Variants in HDX observed in about 807,000 individuals in gnomAD.
HDX encodes the protein highly divergent homeobox, also known as chromosome X open reading frame 43.
A neutral mutation model predicts 45.2 loss-of-function variants in HDX; 19 were observed. The ratio of observed to expected loss-of-function variants is 0.42; its 90% CI spans 0.29 to 0.62. The LOEUF (loss-of-function observed/expected upper bound fraction) is 0.62. Among genes scored for constraint, HDX ranks in the 20% least tolerant of loss-of-function variants. The pLI, the probability that HDX is intolerant of heterozygous loss-of-function variation, is 0.20. For synonymous variants in HDX, 188 were observed against 172.8 expected (o/e 1.09, Z -0.69); for missense variants, 532 against 493.9 (o/e 1.08, Z -0.73).
At chrX:84,354,140 T>A (rs2037420814) in intron 6 of HDX, among the ~76,000 whole-genome samples, 1 of 111,756 alleles carries the variant, frequency 8.9e-6, no homozygotes, top group African/African-American at 3.2e-5. Flanking sequence ...ATTAGGAAAA[T>A]AATTTCCAAA....
intron 5 of HDX, among the ~76,000 whole-genome samples, chrX:84,395,850 A>G (rs1252204714): frequency 1.8e-5 from 2 of 111,543 alleles, no homozygotes; most frequent in African/African-American, 6.5e-5. Context: ...ACTTGATTTA[A>G]TCAATTATTA....
At chrX:84,382,840 T>C (rs936614291) in intron 5 of HDX, among the ~76,000 whole-genome samples, 2 of 111,123 alleles carry the variant, frequency 1.8e-5, no homozygotes, top group African/African-American at 6.5e-5. Context: ...TTAAAATAAC[T>C]AAAAGAGTGT....
intron 5 of HDX, among the ~76,000 whole-genome samples, chrX:84,368,582 T>C (rs1395906293): frequency 8.9e-6 from 1 of 112,233 alleles, no homozygotes; most frequent in Non-Finnish European, 1.9e-5. Flanking sequence ...TTTCAAATTG[T>C]GGTAAAATAT....
intron 4 of HDX, among the ~76,000 whole-genome samples, chrX:84,447,915 C>A (rs1481811547): frequency 9.0e-6 from 1 of 111,470 alleles, no homozygotes. Context: ...GATGCTGCCA[C>A]TGAAAACAAT....
At chrX:84,383,677 T>C (rs2038241085) in intron 5 of HDX, among the ~76,000 whole-genome samples, 1 of 111,186 alleles carries the variant, frequency 9.0e-6, no homozygotes, top group Non-Finnish European at 1.9e-5. Context: ...ATACTCAATA[T>C]GCAGTTTTTC....
chrX:84,356,420 A>G (rs2037485254), intron 6 of HDX, among the ~76,000 whole-genome samples: 1 of 110,841 alleles, frequency 9.0e-6, no homozygotes, highest in Non-Finnish European at 1.9e-5. Context: ...CTGAACAAAT[A>G]TTAAGCAAGA....
In HDX at chrX:84,380,275, C is replaced by T. The variant is rs780972931; in HGVS notation, c.1306-18663G>A. 1.2e-4 allele frequency among the ~76,000 whole-genome samples: 13 copies of T among 109,486 alleles called. No homozygotes were observed. The South Asian group carries it at 4.2e-3, about 36-fold the overall frequency. On this transcript the variant is annotated intron_variant, in intron 5 of 10. Transcript: ENST00000373177. ...ACCAGGACCCAGTGGTTTCACTGCT[C>T]AATTTTGGCAAACATTTAATAAAGA...
At chrX:84,462,779 CA>C (rs2040267831) in intron 4 of HDX, among the ~76,000 whole-genome samples, 1 of 111,136 alleles carries the variant, frequency 9.0e-6, no homozygotes, top group African/African-American at 3.3e-5. Context: ...AAGTACATAA[CA>C]TTCTTGAAAG....
chrX:84,474,367 T>C (rs897912497), intron 3 of HDX, among the ~76,000 whole-genome samples: 2 of 112,547 alleles, frequency 1.8e-5, no homozygotes, highest in Non-Finnish European at 1.9e-5. Context: ...ATTCCCTATT[T>C]GAAGGCGAAT....
chrX:84,358,122 G>T (rs191688593), intron 6 of HDX, among the ~76,000 whole-genome samples: 2 of 112,051 alleles, frequency 1.8e-5, no homozygotes, highest in East Asian at 5.6e-4. Flanking sequence ...GAAATATCTT[G>T]TCTAAGCCAT....
At chrX:84,446,509 G>A (rs1279282196) in intron 4 of HDX, among the ~76,000 whole-genome samples, 1 of 110,996 alleles carries the variant, frequency 9.0e-6, no homozygotes, top group Non-Finnish European at 1.9e-5. Flanking sequence ...ACTACATGTT[G>A]AACCAAAAGA....
intron 5 of HDX, among the ~76,000 whole-genome samples, chrX:84,392,090 G>C (rs778990223): frequency 1.8e-5 from 2 of 111,751 alleles, no homozygotes; most frequent in African/African-American, 6.5e-5. Flanking sequence ...TTAAGCCTTT[G>C]TATATGGTGA....
At chrX:84,457,845 G>A (rs369312325) in intron 4 of HDX, among the ~76,000 whole-genome samples, 5 of 112,007 alleles carry the variant, frequency 4.5e-5, no homozygotes, top group South Asian at 7.4e-4. Flanking sequence ...GTCATCACTC[G>A]TGCAAAATGT....
intron 6 of HDX, among the ~76,000 whole-genome samples, chrX:84,351,424 G>A (rs1218775105): frequency 1.8e-5 from 2 of 110,859 alleles, no homozygotes; most frequent in African/African-American, 3.3e-5. Context: ...CCACAGCCTG[G>A]TGAGGCAGAA....
intron 2 of HDX, among the ~76,000 whole-genome samples, chrX:84,476,621 G>T (rs1023790573): frequency 1.9e-5 from 2 of 107,136 alleles, no homozygotes; most frequent in African/African-American, 6.8e-5. Flanking sequence ...AAAAAGAAAA[G>T]AGCAACAACG....
intron 8 of HDX, among the ~76,000 whole-genome samples, chrX:84,335,580 T>C (rs766767589): frequency 9.0e-6 from 1 of 111,487 alleles, no homozygotes; most frequent in East Asian, 2.9e-4. Flanking sequence ...GGGAAAGATG[T>C]TTCAATTTGT....
At chrX:84,366,177 T>A (rs747508158) in intron 5 of HDX, among the ~76,000 whole-genome samples, 1 of 111,763 alleles carries the variant, frequency 8.9e-6, no homozygotes, top group Non-Finnish European at 1.9e-5. Flanking sequence ...CAAGCACTCC[T>A]ATACACCAAT....
chrX:84,474,068 AT>A (rs2148151113), intron 3 of HDX, among the ~76,000 whole-genome samples: 1 of 112,052 alleles, frequency 8.9e-6, no homozygotes, highest in South Asian at 3.7e-4. Context: ...AGGCGGGCAG[AT>A]CATCTGAGGT....
At chrX:84,459,402 G>A (rs1337336893) in intron 4 of HDX, among the ~76,000 whole-genome samples, 4 of 108,697 alleles carry the variant, frequency 3.7e-5, no homozygotes. Flanking sequence ...AGATCATGTC[G>A]CTGCACTGCA....
Sources: gnomAD v4.1 joint callset for allele counts (sites outside exome capture counted in the v4.1 genomes callset) on GRCh38, gnomAD v4.1.1 for gene constraint, MANE v1.5 for transcripts, NCBI Gene and HGNC (gene_info 2026-07-23, HGNC 2026-07-21) for gene names.